Variants in SLC24A2 observed in about 807,000 individuals in gnomAD.
SLC24A2 encodes sodium/potassium/calcium exchanger 2.
Under a neutral mutation model 62.0 loss-of-function variants are expected in SLC24A2, and 36 were observed. The observed-to-expected ratio is 0.58, with a 90% CI of 0.44 to 0.77. The LOEUF is 0.77. Among genes scored for constraint, SLC24A2 ranks in the 30% least tolerant of loss-of-function variants. SLC24A2 has a pLI of 0.00. For missense variants in SLC24A2, 846 were observed against 817.9 expected, an observed-to-expected ratio of 1.03 and a Z score of -0.42; for synonymous variants, 358 against 294.0, an observed-to-expected ratio of 1.22 and a Z score of -2.23.
chr9:19,969,170 G>A, the SLC24A2 span, among the ~76,000 whole-genome samples: 1 of 118,030 alleles, frequency 8.5e-6, no homozygotes, highest in Non-Finnish European at 1.8e-5. Context: ...CTCTGCGTCC[G>A]CCACCTCCTT....
intron 2 of SLC24A2, among the ~76,000 whole-genome samples, chr9:19,727,664 G>A: frequency 6.6e-6 from 1 of 152,144 alleles, no homozygotes; most frequent in Non-Finnish European, 1.5e-5. Flanking sequence ...AGGCATTCAA[G>A]TAATTTTGCT....
chr9:19,919,264 A>G, the SLC24A2 span, among the ~76,000 whole-genome samples: 6 of 152,068 alleles, frequency 3.9e-5, no homozygotes, highest in Admixed American at 3.3e-4. Flanking sequence ...TTAGAGAACA[A>G]TCACCACGAG....
At chr9:20,001,304 C>T in the SLC24A2 span, among the ~76,000 whole-genome samples, 17 of 152,314 alleles carry the variant, frequency 1.1e-4, no homozygotes, top group South Asian at 4.1e-4. Flanking sequence ...TGCCTCACAA[C>T]GCACCCTCTC....
At chr9:19,646,720 C>T (rs1319929904) in intron 2 of SLC24A2, among the ~76,000 whole-genome samples, 2 of 152,150 alleles carry the variant, frequency 1.3e-5, no homozygotes, top group Admixed American at 1.3e-4. Flanking sequence ...AATATTACTT[C>T]CTTGGCATGT....
the SLC24A2 span, among the ~76,000 whole-genome samples, chr9:20,237,594 T>C: frequency 6.6e-6 from 1 of 152,218 alleles, no homozygotes; most frequent in Non-Finnish European, 1.5e-5. Context: ...CATCTGGAAC[T>C]TGGGAATGAT....
At chr9:20,047,774 G>A in the SLC24A2 span, among the ~76,000 whole-genome samples, 1 of 151,254 alleles carries the variant, frequency 6.6e-6, no homozygotes, top group Non-Finnish European at 1.5e-5. Flanking sequence ...CTTCTCCAAA[G>A]CCCCACCTCC....
At chr9:20,032,030 A>T in the SLC24A2 span, among the ~76,000 whole-genome samples, 1 of 152,156 alleles carries the variant, frequency 6.6e-6, no homozygotes, top group African/African-American at 2.4e-5. Context: ...CAAGCTCGTG[A>T]CTGCCCCAAG....
chr9:19,982,439 G>A, the SLC24A2 span, among the ~76,000 whole-genome samples: 1 of 152,062 alleles, frequency 6.6e-6, no homozygotes, highest in Non-Finnish European at 1.5e-5. Flanking sequence ...AAAGACTTGG[G>A]GACAATTAAA....
chr9:20,072,969 G>A, the SLC24A2 span, among the ~76,000 whole-genome samples: 54,060 of 152,010 alleles, frequency 0.36, 11,317 homozygotes, highest in East Asian at 0.72. Flanking sequence ...TAGAGGTTAC[G>A]GGAAGGTAAC....
At chr9:19,894,862 C>G in the SLC24A2 span, among the ~76,000 whole-genome samples, 5 of 152,146 alleles carry the variant, frequency 3.3e-5, no homozygotes, top group African/African-American at 1.2e-4. Flanking sequence ...ATGCTACCTT[C>G]AAGCAGCCTG....
chr9:19,867,979 T>C, the SLC24A2 span, among the ~76,000 whole-genome samples: 1 of 151,954 alleles, frequency 6.6e-6, no homozygotes, highest in Admixed American at 6.6e-5. Flanking sequence ...GTCTTTTGAT[T>C]TTCTACTTCA....
the SLC24A2 span, among the ~76,000 whole-genome samples, chr9:20,048,109 T>C: frequency 6.6e-6 from 1 of 152,166 alleles, no homozygotes; most frequent in Admixed American, 6.5e-5. Flanking sequence ...CTACCACTTA[T>C]TGAGCATTAC....
the SLC24A2 span, among the ~76,000 whole-genome samples, chr9:20,126,665 T>A: frequency 6.6e-6 from 1 of 152,182 alleles, no homozygotes; most frequent in South Asian, 2.1e-4. Flanking sequence ...TTCAACAAAA[T>A]CTTAGAAGAG....
chr9:19,570,128 G>A (rs1242015411), intron 7 of SLC24A2, among the ~76,000 whole-genome samples: 2 of 152,162 alleles, frequency 1.3e-5, no homozygotes, highest in Admixed American at 6.5e-5. Context: ...CACATATTAG[G>A]TAAACAATCA....
chr9:20,282,980 T>C, the SLC24A2 span, among the ~76,000 whole-genome samples: 1 of 152,212 alleles, frequency 6.6e-6, no homozygotes, highest in Non-Finnish European at 1.5e-5. Context: ...GTCAAAGGGA[T>C]AGAAACATGT....
intron 2 of SLC24A2, among the ~76,000 whole-genome samples, chr9:19,711,101 C>A (rs1183685500): frequency 6.6e-6 from 1 of 152,132 alleles, no homozygotes; most frequent in Non-Finnish European, 1.5e-5. Flanking sequence ...TAAGTAAGGT[C>A]TGGGAATTCT....
At chr9:20,214,470 C>A in the SLC24A2 span, among the ~76,000 whole-genome samples, 1 of 151,996 alleles carries the variant, frequency 6.6e-6, no homozygotes, top group African/African-American at 2.4e-5. Context: ...AAAAAATTAG[C>A]TGGGCATTGT....
chr9:19,856,899 C>G, the SLC24A2 span, among the ~76,000 whole-genome samples: 1 of 152,218 alleles, frequency 6.6e-6, no homozygotes, highest in Non-Finnish European at 1.5e-5. Context: ...TTGGCCTCTT[C>G]AGAGCCAGCA....
the SLC24A2 span, among the ~76,000 whole-genome samples, chr9:19,953,865 TG>T: frequency 1.3e-5 from 2 of 152,038 alleles, no homozygotes; most frequent in Non-Finnish European, 2.9e-5. Flanking sequence ...ATCAAAGATA[TG>T]ATGTTATCAA....
Sources: gnomAD v4.1 joint callset for allele counts (sites outside exome capture counted in the v4.1 genomes callset) on GRCh38, gnomAD v4.1.1 for gene constraint, MANE v1.5 for transcripts, NCBI Gene and HGNC (gene_info 2026-07-23, HGNC 2026-07-21) for gene names.